MPPED2: variants seen among roughly 807,000 people sequenced by gnomAD.
MPPED2 encodes the protein metallophosphoesterase domain containing 2.
Under a neutral mutation model 33.0 loss-of-function variants are expected in MPPED2, and 5 were observed. The observed-to-expected ratio is 0.15, with a 90% CI of 0.08 to 0.32. MPPED2 has a LOEUF of 0.32. MPPED2 is among the 10% of genes least tolerant of loss of function. The pLI, the probability that MPPED2 is intolerant of heterozygous loss-of-function variation, is 1.00. For missense variants in MPPED2, 275 were observed against 372.1 expected, an observed-to-expected ratio of 0.74 and a Z score of 2.15; for synonymous variants, 136 against 141.9, an observed-to-expected ratio of 0.96 and a Z score of 0.29.
At chr11:30,584,087 C>A (rs1406206548) in intron 1 of MPPED2, 1 of 152,110 alleles carries the variant, frequency 6.6e-6, no homozygotes, top group Non-Finnish European at 1.5e-5. Flanking sequence ...GTTCCACGTG[C>A]TTCTGTCCAC....
chr11:30,478,468 T>C (rs1951322471), intron 4 of MPPED2, among the ~76,000 whole-genome samples: 1 of 152,120 alleles, frequency 6.6e-6, no homozygotes, highest in Non-Finnish European at 1.5e-5. Flanking sequence ...GTCAATGTTC[T>C]AGTAATCAGG....
chr11:30,430,343 TA>T (rs943289480), intron 4 of MPPED2, among the ~76,000 whole-genome samples: 1 of 152,046 alleles, frequency 6.6e-6, no homozygotes, highest in Non-Finnish European at 1.5e-5. Flanking sequence ...TGCTTCATAT[TA>T]AAAAAAAGAA....
At chr11:30,528,154 T>C (rs975417737) in intron 3 of MPPED2, among the ~76,000 whole-genome samples, 3 of 148,186 alleles carry the variant, frequency 2.0e-5, no homozygotes, top group Middle Eastern at 3.4e-3. Context: ...CACACACACA[T>C]GCACATCTAC....
intron 4 of MPPED2, among the ~76,000 whole-genome samples, chr11:30,418,690 C>A (rs1197156055): frequency 6.6e-6 from 1 of 152,226 alleles, no homozygotes; most frequent in Non-Finnish European, 1.5e-5. Context: ...TAACCTGCCC[C>A]TTCCATGCCA....
At chr11:30,433,020 G>A (rs1390694611) in intron 4 of MPPED2, among the ~76,000 whole-genome samples, 2 of 152,204 alleles carry the variant, frequency 1.3e-5, no homozygotes, top group African/African-American at 4.8e-5. Context: ...TCTGATGGGG[G>A]TCCCCAATCT....
At position 30,580,311 on chromosome 11, in the gene MPPED2, G is replaced by A; in HGVS notation, c.63C>T (p.Asn21=). 3 of 1,614,094 alleles carry A rather than the reference G, an allele frequency of 1.9e-6. No homozygotes were observed. The highest frequency in any genetic ancestry group is 2.5e-6 in the Non-Finnish European group (3 of 1,179,996). ...VTITVDEYSS[N]PTQAFTHYNI... Reference sequence around the variant, plus strand: ...TGTAGTGCGTGAATGCCTGGGTGGGGTTTGAGCTGTACTCATCCACCGTTA... The same window carrying A: ...TGTAGTGCGTGAATGCCTGGGTGGGATTTGAGCTGTACTCATCCACCGTTA... The change falls in exon 2 of 7, where the codon AAC becomes AAT. Residue 21 remains asparagine, a synonymous_variant. Transcript: ENST00000358117.
At chr11:30,433,329 G>A (rs1949167912) in intron 4 of MPPED2, among the ~76,000 whole-genome samples, 1 of 152,116 alleles carries the variant, frequency 6.6e-6, no homozygotes, top group Non-Finnish European at 1.5e-5. Flanking sequence ...AAACATATTG[G>A]ACCCCCTATA....
intron 6 of MPPED2, among the ~76,000 whole-genome samples, chr11:30,398,172 A>G (rs1443367648): frequency 6.6e-6 from 1 of 152,184 alleles, no homozygotes; most frequent in Non-Finnish European, 1.5e-5. Flanking sequence ...ATTTGCCTCA[A>G]TTCACTCATA....
intron 4 of MPPED2, among the ~76,000 whole-genome samples, chr11:30,427,121 G>A (rs2133822523): frequency 6.6e-6 from 1 of 152,274 alleles, no homozygotes; most frequent in South Asian, 2.1e-4. Flanking sequence ...CGGCAACCAG[G>A]CAGGTAGATT....
chr11:30,566,028 T>C (rs1042914121), intron 2 of MPPED2, among the ~76,000 whole-genome samples: 1 of 151,808 alleles, frequency 6.6e-6, no homozygotes, highest in Non-Finnish European at 1.5e-5. Flanking sequence ...AAAAAAAAAA[T>C]GTAGAGTTGT....
chr11:30,580,081 G>A (rs1957096845), intron 2 of MPPED2, among the ~76,000 whole-genome samples, 165 bp downstream of exon 2: 1 of 152,188 alleles, frequency 6.6e-6, no homozygotes, highest in Non-Finnish European at 1.5e-5. Flanking sequence ...TTACACAGAT[G>A]TATGGGATTC....
intron 2 of MPPED2, among the ~76,000 whole-genome samples, chr11:30,565,586 A>G (rs187497729): frequency 6.6e-6 from 1 of 152,228 alleles, no homozygotes; most frequent in Non-Finnish European, 1.5e-5. Flanking sequence ...CATCTCCAGA[A>G]AGTCTAATTA....
chr11:30,580,214 C>A, intron 2 of MPPED2, 32 bp downstream of exon 2: 1 of 1,588,658 alleles, frequency 6.3e-7, no homozygotes, highest in Middle Eastern at 1.7e-4. Flanking sequence ...TTCTTGATTG[C>A]TAATTTTGTT....
intron 2 of MPPED2, among the ~76,000 whole-genome samples, chr11:30,570,177 T>G (rs746956787): frequency 6.6e-6 from 1 of 152,010 alleles, no homozygotes; most frequent in Non-Finnish European, 1.5e-5. Flanking sequence ...GATTGGAAAG[T>G]CCATGATCAA....
At chr11:30,555,400 A>C (rs1422313655) in intron 2 of MPPED2, among the ~76,000 whole-genome samples, 1 of 152,212 alleles carries the variant, frequency 6.6e-6, no homozygotes, top group Non-Finnish European at 1.5e-5. Context: ...TTTCAGACCT[A>C]GAGTACTTCA....
intron 4 of MPPED2, among the ~76,000 whole-genome samples, chr11:30,427,644 A>AACGTGT: frequency 1.3e-5 from 2 of 151,426 alleles, no homozygotes; most frequent in Middle Eastern, 3.5e-3. Flanking sequence ...TTCATGAGAA[A>AACGTGT]ATTCCTTGAT....
At chr11:30,563,492 G>C (rs1436998703) in intron 2 of MPPED2, among the ~76,000 whole-genome samples, 1 of 152,056 alleles carries the variant, frequency 6.6e-6, no homozygotes, top group Non-Finnish European at 1.5e-5. Flanking sequence ...ATCACTTAGT[G>C]CCAAAAAATG....
intron 4 of MPPED2, among the ~76,000 whole-genome samples, chr11:30,427,378 A>G (rs1341854200): frequency 1.3e-5 from 2 of 152,180 alleles, no homozygotes; most frequent in Admixed American, 1.3e-4. Context: ...TTTGTATGCT[A>G]TTTAATATTC....
chr11:30,451,167 T>C (rs1012500513), intron 4 of MPPED2, among the ~76,000 whole-genome samples: 1 of 152,210 alleles, frequency 6.6e-6, no homozygotes, highest in Non-Finnish European at 1.5e-5. Context: ...AAGATGAGGA[T>C]GGGGACTTTG....
Sources: allele counts gnomAD v4.1 joint callset (sites outside exome capture counted in the v4.1 genomes callset), GRCh38; gene constraint gnomAD v4.1.1; transcripts MANE v1.5; gene names NCBI Gene and HGNC (gene_info 2026-07-23, HGNC 2026-07-21).